The following CMIP variants were observed in gnomAD, a reference collection of about 807,000 sequenced individuals.
CMIP encodes the protein C-Maf-inducing protein.
In CMIP, 13 loss-of-function variants were observed where a neutral mutation model predicts 97.3. That is an observed-to-expected ratio of 0.13 (90% CI 0.09 to 0.21). The LOEUF is 0.21. Ranked by LOEUF, CMIP falls within the 10% of genes least tolerant of loss-of-function variation. The pLI is 1.00. For synonymous variants in CMIP, 538 were observed against 436.3 expected, an observed-to-expected ratio of 1.23 and a Z score of -2.91; for missense variants, 847 against 1,024.9, an observed-to-expected ratio of 0.83 and a Z score of 2.37.
rs2091979744 is a variant in CMIP, at chr16:81,620,594, A to C, written c.427-282A>C. ...CCTAAGTCCAGCTGTGTGTGCAGTT[A>C]AAGCTCTCAAGTCAGCAGTGTCTGA... is the stretch of plus-strand genomic sequence containing the variant. On this transcript the variant is annotated intron_variant, in intron 2 of 20. Coordinates refer to ENST00000537098, the MANE Select transcript of CMIP (RefSeq NM_198390.3). The C allele has an allele frequency of 1.1e-5, 4 of 371,248 alleles. No individual in the cohort carries two copies. In the South Asian group the frequency reaches 1.3e-4, roughly 12 times the overall value. 23.0% of individuals were successfully genotyped at this position (371,248 alleles called of 1,614,324 possible). A position where few individuals can be genotyped will look rare whatever the true frequency, so the allele number is the denominator to read the frequency against.
chr16:81,493,485 G>A (rs892790656), intron 1 of CMIP, among the ~76,000 whole-genome samples: 1 of 152,168 alleles, frequency 6.6e-6, no homozygotes, highest in Non-Finnish European at 1.5e-5. Context: ...ACTTGGAGTG[G>A]GGCACATAGT....
intron 1 of CMIP, among the ~76,000 whole-genome samples, chr16:81,567,312 G>C (rs1041130979): frequency 3.3e-5 from 5 of 152,242 alleles, no homozygotes; most frequent in Non-Finnish European, 1.5e-5. Flanking sequence ...GTCATGCAGT[G>C]AGACACCGCT....
intron 7 of CMIP, chr16:81,667,393 G>T (rs1184142671): frequency 6.6e-6 from 1 of 152,212 alleles, no homozygotes; most frequent in African/African-American, 2.4e-5. Context: ...TGTTCTTGTG[G>T]CAAAGGAGGC....
chr16:81,571,759 C>A (rs1173477847), intron 1 of CMIP, among the ~76,000 whole-genome samples: 2 of 152,200 alleles, frequency 1.3e-5, no homozygotes, highest in Non-Finnish European at 2.9e-5. Flanking sequence ...TCCCATTCAG[C>A]ACCATGGCTG....
At chr16:81,476,117 T>C (rs2927328) in intron 1 of CMIP, 619,382 of 885,160 alleles carry the variant, frequency 0.7, 219,909 homozygotes, top group African/African-American at 0.88. Context: ...AGTCTTCACG[T>C]CTTCTTTCAC....
At chr16:81,610,777 A>G (rs1364261967) in intron 2 of CMIP, among the ~76,000 whole-genome samples, 1 of 152,286 alleles carries the variant, frequency 6.6e-6, no homozygotes, top group Non-Finnish European at 1.5e-5. Context: ...TGTGGTACTC[A>G]GGGCTTTCTT....
At chr16:81,671,899 C>A in intron 8 of CMIP, 67 bp from the exon 9 acceptor site, 1 of 772,990 alleles carries the variant, frequency 1.3e-6, no homozygotes, top group Non-Finnish European at 2.2e-6. Flanking sequence ...CCTCCCTTTC[C>A]CCCCTTACCC....
At chr16:81,509,309 A>G (rs2089767835) in intron 1 of CMIP, among the ~76,000 whole-genome samples, 2 of 152,176 alleles carry the variant, frequency 1.3e-5, no homozygotes, top group African/African-American at 2.4e-5. Context: ...GCCCACCGGA[A>G]TGATGCTGAT....
intron 1 of CMIP, among the ~76,000 whole-genome samples, chr16:81,539,650 C>G (rs968028535): frequency 6.6e-5 from 10 of 152,190 alleles, no homozygotes; most frequent in Non-Finnish European, 1.2e-4. Context: ...GTCCTGTTTC[C>G]TTTTCTCAGC....
intron 3 of CMIP, among the ~76,000 whole-genome samples, chr16:81,640,770 G>GTGTGTC (rs376370488): frequency 0.054 from 7,266 of 135,500 alleles, 438 homozygotes; most frequent in East Asian, 0.15. Context: ...GTGTGTGTGT[G>GTGTGTC]TCTCTCTCTC....
intron 1 of CMIP, among the ~76,000 whole-genome samples, chr16:81,578,961 C>A (rs1218291870): frequency 2.0e-5 from 3 of 152,258 alleles, no homozygotes; most frequent in Non-Finnish European, 4.4e-5. Flanking sequence ...AGAGGGAACA[C>A]TGGACTAAGA....
chr16:81,701,950 C>T, intron 16 of CMIP, 150 bp downstream of exon 16: 1 of 918,548 alleles, frequency 1.1e-6, no homozygotes, highest in Non-Finnish European at 1.6e-6. Context: ...TACCACCTGC[C>T]ACTTTTCAGG....
At chr16:81,466,634 T>G (rs2150742619) in intron 1 of CMIP, among the ~76,000 whole-genome samples, 1 of 152,342 alleles carries the variant, frequency 6.6e-6, no homozygotes, top group East Asian at 1.9e-4. Flanking sequence ...GATTGCATAA[T>G]GAATCTGATG....
In CMIP at chr16:81,603,362, G is replaced by A. The variant is rs112275216; in HGVS notation, c.301-4205G>A. On this transcript the variant is annotated intron_variant, in intron 1 of 20. Transcript: ENST00000537098. ...CTCCCAAAGTGCTGGGATTACAGGC[G>A]TGAGCCACCGCGCCCGGCCTTGTTT... 77 of 454,160 alleles carry A rather than the reference G, an allele frequency of 1.7e-4. 1 individual carries two copies. The highest frequency in any genetic ancestry group is 1.3e-3 in the African/African-American group (63 of 50,098). The allele number at this position is 454,160 out of a possible 1,614,324, so 28.1% of individuals were successfully genotyped here. A position where few individuals can be genotyped will look rare whatever the true frequency, so the allele number is the denominator to read the frequency against.
intron 19 of CMIP, 46 bp from the exon 20 acceptor site, chr16:81,706,968 C>T: frequency 1.3e-6 from 2 of 1,566,268 alleles, no homozygotes; most frequent in South Asian, 1.1e-5. Context: ...ACCTTCATAC[C>T]TTTGGGGCCT....
intron 7 of CMIP, among the ~76,000 whole-genome samples, chr16:81,668,942 ACCTCACACCTTCCACACCC>A (rs1304622895): frequency 3.7e-5 from 4 of 107,294 alleles, no homozygotes; most frequent in African/African-American, 1.5e-4. Flanking sequence ...TTCCACACCC[ACCTCACACCTTCCACACCC>A]ACCTCACACT....
intron 1 of CMIP, among the ~76,000 whole-genome samples, chr16:81,468,917 C>T (rs1029496584): frequency 2.0e-5 from 3 of 152,188 alleles, no homozygotes; most frequent in African/African-American, 2.4e-5. Context: ...GGAGGGCGGA[C>T]GCAGTGAGCT....
chr16:81,477,803 C>G (rs1427076811), intron 1 of CMIP, among the ~76,000 whole-genome samples: 1 of 152,198 alleles, frequency 6.6e-6, no homozygotes, highest in Non-Finnish European at 1.5e-5. Context: ...AAGAGAGGCT[C>G]AAGTTCCTGC....
chr16:81,547,615 AGGAG>A (rs1484826876), intron 1 of CMIP, among the ~76,000 whole-genome samples: 2 of 133,988 alleles, frequency 1.5e-5, no homozygotes, highest in African/African-American at 7.9e-5. Flanking sequence ...GAAGCGGGGG[AGGAG>A]GAGGAGGAGG....
Sources: gnomAD v4.1 joint callset for allele counts (sites outside exome capture counted in the v4.1 genomes callset) on GRCh38, gnomAD v4.1.1 for gene constraint, MANE v1.5 for transcripts, NCBI Gene and HGNC (gene_info 2026-07-23, HGNC 2026-07-21) for gene names.